ARHGAP44: variants seen among roughly 807,000 people sequenced by gnomAD.
ARHGAP44 encodes Rho GTPase activating protein 44, also known as rho GTPase-activating protein 44.
Under a neutral mutation model 106.8 loss-of-function variants are expected in ARHGAP44, and 43 were observed. The ratio of observed to expected loss-of-function variants is 0.40; its 90% CI spans 0.32 to 0.52. The LOEUF (loss-of-function observed/expected upper bound fraction) is 0.52. Ranked by LOEUF, ARHGAP44 falls within the 20% of genes least tolerant of loss-of-function variation. The pLI, the probability that ARHGAP44 is intolerant of heterozygous loss-of-function variation, is 0.48. For synonymous variants in ARHGAP44, 439 were observed against 410.3 expected, an observed-to-expected ratio of 1.07 and a Z score of -0.85; for missense variants, 866 against 1,050.5, an observed-to-expected ratio of 0.82 and a Z score of 2.43.
intron 16 of ARHGAP44, among the ~76,000 whole-genome samples, chr17:12,966,780 C>T (rs1418607883): frequency 6.6e-6 from 1 of 152,194 alleles, no homozygotes; most frequent in Non-Finnish European, 1.5e-5. Context: ...CCTTCCAAAT[C>T]TCTATAGACT....
chr17:12,944,149 A>G lies in ARHGAP44; in HGVS notation c.814A>G (p.Ile272Val). 1 of 1,612,550 alleles carries G rather than the reference A, an allele frequency of 6.2e-7. No homozygotes were observed. Among genetic ancestry groups the G allele is most frequent in the Non-Finnish European group, 8.5e-7 (1 of 1,179,764 alleles). ...TISGREIAFPIEACVTMLLEC... is the reference protein window; with the variant it reads ...TISGREIAFPVEACVTMLLEC... Reference sequence around the variant, plus strand: ...CAGCGGCCGGGAGATCGCCTTCCCCATCGAGGCGTGTGTGACCATGCTGCT... The same window carrying G: ...CAGCGGCCGGGAGATCGCCTTCCCCGTCGAGGCGTGTGTGACCATGCTGCT... Residue 272 changes from isoleucine to valine, a missense_variant, in exon 10 of 21, where the codon ATC becomes GTC. This residue lies in a region of ARHGAP44 where 448 missense variants were observed against 646.9 expected (regional missense o/e 0.69). Coordinates refer to ENST00000379672, the MANE Select transcript of ARHGAP44 (RefSeq NM_014859.6).
rs1365239129 is a variant in ARHGAP44 at position 12,989,182 on chromosome 17, TG to T, written c.2318-848del. Among the ~76,000 whole-genome samples the T allele has an allele frequency of 2.7e-5, 4 of 146,632 alleles. No individual in the cohort carries two copies. The East Asian group carries it at 8.1e-4, about 30-fold the overall frequency. The stretch of plus-strand genomic sequence containing the variant: ...GAGAGTAAAGGACCCAGGGGATCTG[TG>T]GTTTTCTGGCTCTCTGGCTGTAGCA... On this transcript the variant is annotated intron_variant, in intron 20 of 20. Transcript: ENST00000379672.
chr17:12,915,701 G>A (rs73296327), intron 4 of ARHGAP44, among the ~76,000 whole-genome samples, 199 bp from the exon 5 acceptor site: 3,128 of 152,236 alleles, frequency 0.021, 98 homozygotes, highest in African/African-American at 0.07. Flanking sequence ...ACAATGAGTG[G>A]CACCTTTTGG....
intron 1 of ARHGAP44, among the ~76,000 whole-genome samples, chr17:12,826,416 C>G (rs2034920553): frequency 6.6e-6 from 1 of 152,196 alleles, no homozygotes; most frequent in South Asian, 2.1e-4. Flanking sequence ...ATTGGATTGG[C>G]TCTTTTCTTA....
At chr17:12,844,968 A>G (rs902039482) in intron 1 of ARHGAP44, among the ~76,000 whole-genome samples, 10 of 152,086 alleles carry the variant, frequency 6.6e-5, no homozygotes, top group Non-Finnish European at 1.3e-4. Flanking sequence ...TGATGGCCAC[A>G]TTTGCCGAGA....
At chr17:12,980,353 C>T in intron 19 of ARHGAP44, 120 bp downstream of exon 19, 2 of 1,064,498 alleles carry the variant, frequency 1.9e-6, no homozygotes, top group Non-Finnish European at 2.7e-6. Flanking sequence ...GTGACTAATT[C>T]CCATCTGGAC....
At chr17:12,890,311 C>T (rs1053412624) in intron 1 of ARHGAP44, among the ~76,000 whole-genome samples, 1 of 152,242 alleles carries the variant, frequency 6.6e-6, no homozygotes, top group East Asian at 1.9e-4. Flanking sequence ...TAGTTTTGTA[C>T]CCCTGTCTCC....
At chr17:12,814,223 T>A (rs1207434958) in intron 1 of ARHGAP44, among the ~76,000 whole-genome samples, 4 of 143,624 alleles carry the variant, frequency 2.8e-5, no homozygotes, top group Non-Finnish European at 6.0e-5. Context: ...TGCAGCCACC[T>A]CCCAAACTGG....
intron 8 of ARHGAP44, 145 bp from the exon 9 acceptor site, chr17:12,943,443 C>T (rs77860178): frequency 0.02 from 13,165 of 664,708 alleles, 198 homozygotes; most frequent in Non-Finnish European, 0.025. Context: ...GAAGCATGCT[C>T]GTTATTTTAG....
At chr17:12,821,804 T>TA (rs1316187894) in intron 1 of ARHGAP44, among the ~76,000 whole-genome samples, 3 of 152,160 alleles carry the variant, frequency 2.0e-5, no homozygotes, top group Non-Finnish European at 4.4e-5. Context: ...TGTTGCTTAT[T>TA]AAAAAAACAA....
At chr17:12,972,372 G>A (rs9910312) in intron 16 of ARHGAP44, among the ~76,000 whole-genome samples, 70,353 of 151,916 alleles carry the variant, frequency 0.46, 16,799 homozygotes, top group African/African-American at 0.58. Context: ...ATAAGGCCAG[G>A]CGTGGTGGCT....
At chr17:12,919,872 C>T (rs543505080) in intron 6 of ARHGAP44, 41 bp downstream of exon 6, 3 of 1,550,024 alleles carry the variant, frequency 1.9e-6, no homozygotes, top group South Asian at 1.2e-5. Context: ...TTTGAAGGGA[C>T]AGTGATCATA....
At chr17:12,813,305 GT>G (rs200385086) in intron 1 of ARHGAP44, among the ~76,000 whole-genome samples, 50 of 141,996 alleles carry the variant, frequency 3.5e-4, no homozygotes, top group East Asian at 1.4e-3. Context: ...GAGGTTTTTT[GT>G]TTTTTTTTTT....
intron 1 of ARHGAP44, among the ~76,000 whole-genome samples, chr17:12,845,512 A>G (rs962325814): frequency 1.6e-5 from 2 of 128,288 alleles, no homozygotes; most frequent in African/African-American, 3.1e-5. Flanking sequence ...GTCTCAAAAA[A>G]AAAAAAAAAA....
intron 18 of ARHGAP44, among the ~76,000 whole-genome samples, chr17:12,976,898 G>A (rs920886854): frequency 1.3e-5 from 2 of 152,216 alleles, no homozygotes; most frequent in African/African-American, 4.8e-5. Flanking sequence ...CCACAGGCGG[G>A]AGATGGGCTG....
At chr17:12,861,780 A>G (rs6502206) in intron 1 of ARHGAP44, among the ~76,000 whole-genome samples, 131,889 of 151,574 alleles carry the variant, frequency 0.87, 57,909 homozygotes, top group Non-Finnish European at 0.94. Context: ...GACTACAGGT[A>G]CCCACCACCA....
Position 12,990,083 on chromosome 17 carries a change from T to A in ARHGAP44, c.2369T>A (p.Leu790His), listed in dbSNP as rs368221262. The A allele has an allele frequency of 1.4e-5, 22 of 1,612,754 alleles. No individual in the cohort carries two copies. The highest frequency in any genetic ancestry group is 1.8e-5 in the Non-Finnish European group (21 of 1,179,244). The change falls in exon 21 of 21, where the codon CTC (leucine) becomes CAC (histidine). Residue 790 changes from leucine (L) to histidine (H), a missense_variant. By Grantham distance (99) the Leu-to-His change is moderately conservative. Around this residue, in one of 2 missense-constraint regions of ARHGAP44, gnomAD observed 418 missense variants for 403.6 expected, o/e 1.04. Coordinates refer to ENST00000379672, the MANE Select transcript of ARHGAP44 (RefSeq NM_014859.6). ...ATCCACATAGAGCTCGGGTCGACGC[T>A]CCGCCTGAGTCCCCTGGAGCACATG... ...PSIHIELGST[L>H]RLSPLEHMRR...
rs2038933794 is a variant in ARHGAP44 at position 12,949,127 on chromosome 17, G to T, written c.862-13G>T. 4 of 1,558,774 alleles carry T rather than the reference G, an allele frequency of 2.6e-6. No homozygotes were observed. Among genetic ancestry groups the T allele is most frequent in the Non-Finnish European group, 3.5e-6 (4 of 1,151,414 alleles). The stretch of plus-strand genomic sequence containing the variant: ...TGGAGTTGCTGTGCGCTGACCCTCT[G>T]TCCTGTTGGTAGGGACTCTTCCGAG... On this transcript the variant is annotated splice_polypyrimidine_tract_variant and intron_variant, in intron 10 of 20. Transcript: ENST00000379672. This position sits in a 1 kb window ranked among gnomAD's most constrained non-coding sequence, Gnocchi z 4.1.
At chr17:12,965,668 C>CT (rs2039373424) in intron 16 of ARHGAP44, among the ~76,000 whole-genome samples, 1 of 152,170 alleles carries the variant, frequency 6.6e-6, no homozygotes, top group Non-Finnish European at 1.5e-5. Context: ...TAGTGTATGA[C>CT]TTCTTAGAGT....
Sources: gnomAD v4.1 joint callset for allele counts (sites outside exome capture counted in the v4.1 genomes callset) on GRCh38, gnomAD v4.1.1 for gene constraint, gnomAD v4.1.1 regional missense constraint, Gnocchi (gnomAD v3.1) non-coding constraint, MANE v1.5 for transcripts, NCBI Gene and HGNC (gene_info 2026-07-23, HGNC 2026-07-21) for gene names.